MAP2K5: variants seen among roughly 807,000 people sequenced by gnomAD.
MAP2K5 encodes the protein mitogen-activated protein kinase kinase 5.
A neutral mutation model predicts 83.1 loss-of-function variants in MAP2K5; 49 were observed. That is an observed-to-expected ratio of 0.59 (90% CI 0.47 to 0.75). MAP2K5 has a LOEUF of 0.75. Among genes scored for constraint, MAP2K5 ranks in the 30% least tolerant of loss-of-function variants. The probability of loss-of-function intolerance (pLI) is 0.00; values close to 1 mark genes in which losing one functional copy is unlikely to be tolerated. For synonymous variants in MAP2K5, 202 were observed against 191.8 expected (o/e 1.05, Z -0.44); for missense variants, 457 against 557.5 (o/e 0.82, Z 1.82).
At position 67,563,769 on chromosome 15, in the gene MAP2K5, C is replaced by A. The variant is rs2084786331; in HGVS notation, c.252+419C>A. On this transcript the variant is annotated intron_variant, in intron 3 of 21. Coordinates refer to ENST00000178640, the MANE Select transcript of MAP2K5 (RefSeq NM_145160.3). The surrounding 1 kb of genome is among the most constrained non-coding windows in gnomAD (Gnocchi z 4.5). Reference sequence around the variant, plus strand: ...TGTAGCTGCAGGCTTAATATGGATACACGATTTAAAGATGTACTGTTGGTT... The same window carrying A: ...TGTAGCTGCAGGCTTAATATGGATAAACGATTTAAAGATGTACTGTTGGTT... Among the ~76,000 whole-genome samples the A allele has an allele frequency of 6.6e-6, 1 of 152,042 alleles. No homozygotes were observed.
intron 19 of MAP2K5, among the ~76,000 whole-genome samples, chr15:67,763,254 T>TA (rs1248700166): frequency 6.6e-6 from 1 of 152,010 alleles, no homozygotes; most frequent in Admixed American, 6.6e-5. Context: ...AAAATAAACT[T>TA]AGAGTCCAAA....
rs2084759797 is a variant in MAP2K5 at position 67,562,662 on chromosome 15, A to T, written c.185-621A>T. 6.6e-6 allele frequency among the ~76,000 whole-genome samples: 1 copy of T among 152,190 alleles called. No individual in the cohort carries two copies. The highest frequency in any genetic ancestry group is 1.5e-5 in the Non-Finnish European group (1 of 68,024). On this transcript the variant is annotated intron_variant, in intron 2 of 21. Transcript: ENST00000178640. The surrounding 1 kb of genome is among the most constrained non-coding windows in gnomAD (Gnocchi z 4.1). The stretch of plus-strand genomic sequence containing the variant: ...TTCGGAAAAAGAGCTGCTAAATAGA[A>T]TGGGGGAGACCTGTATTAGAGCTGC...
rs1355024906 is a variant in MAP2K5 at position 67,555,553 on chromosome 15, T to C, written c.184+5471T>C. On this transcript the variant is annotated intron_variant, in intron 2 of 21. Coordinates refer to ENST00000178640, the MANE Select transcript of MAP2K5 (RefSeq NM_145160.3). The surrounding 1 kb of genome is among the most constrained non-coding windows in gnomAD (Gnocchi z 5.2). ...AAGAATACCCATATTTAAATTTCAATATCTATTACTGTGTTTGCTCACCAA... is the reference window on the plus strand; with the variant it reads ...AAGAATACCCATATTTAAATTTCAACATCTATTACTGTGTTTGCTCACCAA... Among the ~76,000 whole-genome samples, 1 of 152,182 alleles carries C rather than the reference T, an allele frequency of 6.6e-6. No individual in the cohort carries two copies. The highest frequency in any genetic ancestry group is 6.5e-5 in the Admixed American group (1 of 15,286).
At chr15:67,678,075 T>A (rs2087722600) in intron 13 of MAP2K5, among the ~76,000 whole-genome samples, 1 of 152,264 alleles carries the variant, frequency 6.6e-6, no homozygotes, top group Non-Finnish European at 1.5e-5. Context: ...GTTCCCGTTG[T>A]GCACAGATGA....
At chr15:67,620,410 A>C (rs1385563351) in intron 8 of MAP2K5, among the ~76,000 whole-genome samples, 1 of 152,208 alleles carries the variant, frequency 6.6e-6, no homozygotes, top group East Asian at 1.9e-4. Flanking sequence ...CTGATAAAGT[A>C]TATACCTGTG....
chr15:67,656,924 G>C (rs2087097087), intron 11 of MAP2K5, among the ~76,000 whole-genome samples: 1 of 152,224 alleles, frequency 6.6e-6, no homozygotes, highest in African/African-American at 2.4e-5. Context: ...TGCAGAAAAA[G>C]AACTCATCAA....
Position 67,559,834 on chromosome 15 carries a change from C to T in MAP2K5, c.185-3449C>T, listed in dbSNP as rs1369273941. 2.6e-5 allele frequency among the ~76,000 whole-genome samples: 4 copies of T among 152,128 alleles called. No homozygotes were observed. In the East Asian group the frequency reaches 5.8e-4, roughly 22 times the overall value. On this transcript the variant is annotated intron_variant, in intron 2 of 21. Coordinates refer to ENST00000178640, the MANE Select transcript of MAP2K5 (RefSeq NM_145160.3). The surrounding 1 kb of genome is among the most constrained non-coding windows in gnomAD (Gnocchi z 4.7). ...CCCTTTTGTTGGTCATATCCGGTAA[C>T]GTTTTTTTGGTCAGATGGCAAAGAA...
intron 1 of MAP2K5, chr15:67,548,957 T>A (rs181441077): frequency 7.8e-7 from 1 of 1,283,248 alleles, no homozygotes; most frequent in South Asian, 1.8e-5. Context: ...TTATGCAAAT[T>A]GCCACTGCAG....
In MAP2K5 at chr15:67,707,612, A is replaced by C. The variant is rs920528387; in HGVS notation, c.1044+4204A>C. Among the ~76,000 whole-genome samples the C allele has an allele frequency of 4.6e-5, 7 of 152,224 alleles. No individual in the cohort carries two copies. In the South Asian group the frequency reaches 8.3e-4, roughly 18 times the overall value. ...GAGAGCCCACCTCTGGTAGAAAAGA[A>C]AGATACCCAAAGCCCAGAATGGTGT... On this transcript the variant is annotated intron_variant, in intron 16 of 21. Coordinates refer to ENST00000178640, the MANE Select transcript of MAP2K5 (RefSeq NM_145160.3).
rs1187568944 is a variant in MAP2K5 at position 67,768,042 on chromosome 15, C to G, written c.1135-1560C>G. On this transcript the variant is annotated intron_variant, in intron 19 of 21. Coordinates refer to ENST00000178640, the MANE Select transcript of MAP2K5 (RefSeq NM_145160.3). This position sits in a 1 kb window ranked among gnomAD's most constrained non-coding sequence, Gnocchi z 4.0. ...TTTGTTCATGTTTCTTTTCTTGTAG[C>G]CTCTTCGGTGTTTTTTGTTGTCTGT... Among the ~76,000 whole-genome samples, 1 of 152,050 alleles carries G rather than the reference C, an allele frequency of 6.6e-6. No individual in the cohort carries two copies. Among genetic ancestry groups the G allele is most frequent in the African/African-American group, 2.4e-5 (1 of 41,406 alleles).
chr15:67,690,313 GCA>G lies in MAP2K5; in HGVS notation c.848-2162_848-2161del, dbSNP rs2088072426. ...ATGATGTGTTGTGCTAACTACTGGG[GCA>G]CACTTGAAAGCACAACCCTGTTCTT... On this transcript the variant is annotated intron_variant, in intron 13 of 21. Coordinates refer to ENST00000178640, the MANE Select transcript of MAP2K5 (RefSeq NM_145160.3). This position sits in a 1 kb window ranked among gnomAD's most constrained non-coding sequence, Gnocchi z 4.3. Among the ~76,000 whole-genome samples, 1 of 152,170 alleles carries G rather than the reference GCA, an allele frequency of 6.6e-6. No individual in the cohort carries two copies. The highest frequency in any genetic ancestry group is 6.5e-5 in the Admixed American group (1 of 15,280).
At position 67,692,515 on chromosome 15, in the gene MAP2K5, G is replaced by A; in HGVS notation, c.884G>A (p.Gly295Glu). Residue 295 changes from glycine (G) to glutamate (E), a missense_variant, in exon 14 of 22, where the codon GGA (glycine) becomes GAA (glutamate). Coordinates refer to ENST00000178640, the MANE Select transcript of MAP2K5 (RefSeq NM_145160.3). ...KPSNMLVNTR[G>E]QVKLCDFGVS... ...TCCAATATGCTAGTAAACACAAGAG[G>A]ACAGGTTAAGCTGTGTGATTTTGGA... 6.2e-7 allele frequency: 1 copy of A among 1,613,654 alleles called. No homozygotes were observed. The highest frequency in any genetic ancestry group is 1.7e-4 in the Middle Eastern group (1 of 6,052).
chr15:67,776,176 T>C (rs1474155631), intron 21 of MAP2K5, among the ~76,000 whole-genome samples: 1 of 152,146 alleles, frequency 6.6e-6, no homozygotes, highest in African/African-American at 2.4e-5. Context: ...ACATTCAGCA[T>C]ACCGACAGAA....
At chr15:67,601,268 T>C (rs2085652994) in intron 8 of MAP2K5, among the ~76,000 whole-genome samples, 1 of 152,182 alleles carries the variant, frequency 6.6e-6, no homozygotes, top group East Asian at 1.9e-4. Context: ...AGTTATAAAG[T>C]TCTCCCAAAT....
chr15:67,632,549 T>G (rs2086498864), intron 9 of MAP2K5, among the ~76,000 whole-genome samples: 1 of 152,242 alleles, frequency 6.6e-6, no homozygotes, highest in African/African-American at 2.4e-5. Flanking sequence ...AATGTTCATC[T>G]GCCTCCAAAG....
intron 13 of MAP2K5, 73 bp from the exon 14 acceptor site, chr15:67,692,406 A>C (rs1007644956): frequency 2.1e-6 from 2 of 967,186 alleles, no homozygotes; most frequent in Non-Finnish European, 3.4e-6. Context: ...TGTGGTGTGC[A>C]TGTGTGCTTT....
intron 1 of MAP2K5, among the ~76,000 whole-genome samples, chr15:67,545,654 C>T (rs1454219699): frequency 1.3e-5 from 2 of 152,054 alleles, no homozygotes; most frequent in African/African-American, 4.8e-5. Context: ...CAAGAATAGC[C>T]CAGTGTTTAA....
intron 6 of MAP2K5, among the ~76,000 whole-genome samples, chr15:67,590,438 C>CTCTCTCTCTCT (rs1567294574): frequency 1.6e-4 from 11 of 67,296 alleles, no homozygotes; most frequent in African/African-American, 6.2e-4. Context: ...TCTCTCTCTC[C>CTCTCTCTCTCT]CTCCCTCCCT....
chr15:67,704,030 G>A (rs577268960), intron 16 of MAP2K5, among the ~76,000 whole-genome samples: 1 of 152,238 alleles, frequency 6.6e-6, no homozygotes, highest in Admixed American at 6.5e-5. Context: ...CTTTATAGCT[G>A]TATTTAGAAT....
Sources: gnomAD v4.1 joint callset for allele counts (sites outside exome capture counted in the v4.1 genomes callset) on GRCh38, gnomAD v4.1.1 for gene constraint, Gnocchi (gnomAD v3.1) non-coding constraint, MANE v1.5 for transcripts, NCBI Gene and HGNC (gene_info 2026-07-23, HGNC 2026-07-21) for gene names.